Variants in ALOX15B observed in about 807,000 individuals in gnomAD.
The protein encoded by ALOX15B is arachidonate 15-lipoxygenase type B.
ALOX15B carries 74 observed loss-of-function variants against 73.8 expected under a neutral mutation model. The observed-to-expected ratio is 1.00, with a 90% CI of 0.83 to 1.22. ALOX15B has a LOEUF of 1.22. Ranked by LOEUF, ALOX15B falls within the 50% of genes most tolerant of loss-of-function variation. The probability of loss-of-function intolerance (pLI) is 0.00; values close to 1 mark genes in which losing one functional copy is unlikely to be tolerated. For missense variants in ALOX15B, 896 were observed against 859.9 expected (o/e 1.04, Z -0.52); for synonymous variants, 353 against 357.2 (o/e 0.99, Z 0.13).
intron 11 of ALOX15B, 35 bp from the exon 12 acceptor site, chr17:8,047,529 C>T: frequency 6.3e-7 from 1 of 1,576,956 alleles, no homozygotes; most frequent in Non-Finnish European, 8.6e-7. Context: ...CCTCAGGTCC[C>T]TGGAAGCCCC....
chr17:8,042,713 G>A (rs1442767771), intron 4 of ALOX15B, 68 bp from the exon 5 acceptor site: 1 of 1,452,526 alleles, frequency 6.9e-7, no homozygotes, highest in Non-Finnish European at 9.4e-7. Context: ...AGAGGCATAA[G>A]GCTGGCTGAC....
intron 8 of ALOX15B, among the ~76,000 whole-genome samples, chr17:8,046,148 C>G (rs1232351313): frequency 6.6e-6 from 1 of 152,196 alleles, no homozygotes. Flanking sequence ...CAGGATGGCC[C>G]CCTCCCAGGG....
At chr17:8,044,604 G>A (rs1487227479) in intron 5 of ALOX15B, among the ~76,000 whole-genome samples, 2 of 152,040 alleles carry the variant, frequency 1.3e-5, no homozygotes, top group African/African-American at 4.8e-5. Context: ...TTATTCAGGG[G>A]GAGTGTCAGG....
chr17:8,045,579 T>A lies in ALOX15B; in HGVS notation c.1093T>A (p.Phe365Ile), dbSNP rs1250076835. 3 of 1,614,098 alleles carry A rather than the reference T, an allele frequency of 1.9e-6. No individual in the cohort carries two copies. The East Asian group carries it at 6.7e-5, about 36-fold the overall frequency. Residue 365 changes from phenylalanine (F) to isoleucine (I), a missense_variant, in exon 8 of 14, where the codon TTC (phenylalanine) becomes ATC (isoleucine). Transcript: ENST00000380183. Reference protein sequence around the residue: ...LAKTWVRNAEFSFHEALTHLL... With the variant: ...LAKTWVRNAEISFHEALTHLL... ...CAAGACCTGGGTGCGCAATGCCGAG[T>A]TCTCCTTCCATGAGGCCCTCACGCA... is the stretch of plus-strand genomic sequence containing the variant.
At chr17:8,045,787 G>A (rs11869454) in intron 8 of ALOX15B, 101 bp downstream of exon 8, 69,228 of 1,324,336 alleles carry the variant, frequency 0.052, 2,371 homozygotes, top group African/African-American at 0.15. Flanking sequence ...CTGGGATGCA[G>A]AGCCCCCGTC....
In ALOX15B at chr17:8,039,088, C is replaced by T. The variant is rs950334791; in HGVS notation, c.-68C>T. 26 of 1,558,620 alleles carry T rather than the reference C, an allele frequency of 1.7e-5. No homozygotes were observed. The highest frequency in any genetic ancestry group is 2.7e-5 in the African/African-American group (2 of 72,880). ...GCAATAACCAGGGGCAATAACCAGGCGTGTCCCAGGGGGGAGCCCCGCTCT... is the reference window on the plus strand; with the variant it reads ...GCAATAACCAGGGGCAATAACCAGGTGTGTCCCAGGGGGGAGCCCCGCTCT... On this transcript the variant is annotated 5_prime_UTR_variant, in exon 1 of 14. Transcript: ENST00000380183.
chr17:8,046,737 G>A lies in ALOX15B; in HGVS notation c.1270G>A (p.Gly424Arg), dbSNP rs1326277510. ...CGCCCGGGAGCTGCTTATCGTGCCA[G>A]GGCAGGTGGTGGACAGGGTGAGAGC... ...TLARELLIVP[G>R]QVVDRSTGIG... The change falls in exon 9 of 14, where the codon GGG becomes AGG. Residue 424 changes from glycine (G) to arginine (R), a missense_variant. Coordinates refer to ENST00000380183, the MANE Select transcript of ALOX15B (RefSeq NM_001141.3). 1 of 1,613,964 alleles carries A rather than the reference G, an allele frequency of 6.2e-7. No homozygotes were observed. Among genetic ancestry groups the A allele is most frequent in the Admixed American group, 1.7e-5 (1 of 60,020 alleles).
At position 8,047,082 on chromosome 17, in the gene ALOX15B, G is replaced by T. The variant is rs1009225559; in HGVS notation, c.1457+6G>T. ...ATCTGGGGTGCAGTGGAACGGTGAG[G>T]GGCCGTCCCTGGAGAGCCGAGGGCT... On this transcript the variant is annotated splice_donor_region_variant and intron_variant, in intron 10 of 13. Coordinates refer to ENST00000380183, the MANE Select transcript of ALOX15B (RefSeq NM_001141.3). 3.7e-6 allele frequency: 6 copies of T among 1,613,232 alleles called. No individual in the cohort carries two copies. The African/African-American group carries it at 6.7e-5, about 18-fold the overall frequency.
intron 3 of ALOX15B, among the ~76,000 whole-genome samples, chr17:8,040,870 GA>G (rs1167317441): frequency 7.7e-6 from 1 of 129,440 alleles, no homozygotes; most frequent in Non-Finnish European, 1.8e-5. Context: ...GATCACAGGG[GA>G]AAACTGGGAC....
At chr17:8,044,154 A>AGG (rs71159540) in intron 5 of ALOX15B, among the ~76,000 whole-genome samples, 23 of 150,056 alleles carry the variant, frequency 1.5e-4, no homozygotes, top group South Asian at 8.5e-4. Flanking sequence ...GAAGGAAGGA[A>AGG]AGAAAGAAAA....
At position 8,040,597 on chromosome 17, in the gene ALOX15B, GAGAGAGAA is replaced by G. The variant is rs1198305618; in HGVS notation, c.449+618_449+625del. On this transcript the variant is annotated intron_variant, in intron 3 of 13. Coordinates refer to ENST00000380183, the MANE Select transcript of ALOX15B (RefSeq NM_001141.3). The stretch of plus-strand genomic sequence containing the variant: ...AAAAGGAAGGAAAGAGAGAAAGAAA[GAGAGAGAA>G]AGAAAGAAAGAAAGAAAGAAAGAAA... 2.3e-4 allele frequency among the ~76,000 whole-genome samples: 14 copies of G among 59,640 alleles called. No homozygotes were observed. The South Asian group carries it at 5.1e-3, about 22-fold the overall frequency. 39.1% of individuals were successfully genotyped at this position (59,640 alleles called of 152,430 possible).
At chr17:8,039,364 C>A (rs771016636) in intron 1 of ALOX15B, 22 bp from the exon 2 acceptor site, 18 of 1,606,172 alleles carry the variant, frequency 1.1e-5, no homozygotes, top group African/African-American at 9.4e-5. Flanking sequence ...TCCGGCCTGA[C>A]GCATACTTAA....
Position 8,044,969 on chromosome 17 carries a change from G to A in ALOX15B, c.817G>A (p.Gly273Ser). Residue 273 changes from glycine (G) to serine (S), a missense_variant, in exon 6 of 14, where the codon GGT (glycine) becomes AGT (serine). Gly to Ser is a moderately conservative substitution (Grantham distance 56). Coordinates refer to ENST00000380183, the MANE Select transcript of ALOX15B (RefSeq NM_001141.3). ...TGATGCCATGGTGGCCTCAGTGTTG[G>A]GTCCTGGGACCAGCTTGCAGGCTGA... The part of the protein sequence containing the change: ...VTDAMVASVL[G>S]PGTSLQAELE... The A allele has an allele frequency of 6.2e-7, 1 of 1,614,142 alleles. No individual in the cohort carries two copies. The highest frequency in any genetic ancestry group is 8.5e-7 in the Non-Finnish European group (1 of 1,180,018).
In ALOX15B at chr17:8,047,313, G is replaced by GAC; in HGVS notation, c.1515_1516dup (p.Arg506ThrfsTer17). 6.2e-7 allele frequency: 1 copy of GAC among 1,614,078 alleles called. No individual in the cohort carries two copies. Among genetic ancestry groups the GAC allele is most frequent in the South Asian group, 1.1e-5 (1 of 91,058 alleles). On this transcript the variant is annotated frameshift_variant, in exon 11 of 14. Coordinates refer to ENST00000380183, the MANE Select transcript of ALOX15B (RefSeq NM_001141.3). LOFTEE classifies it high-confidence loss of function. ...CCCAAGTGATGAGTCTGTCCAAGAT[G>GAC]ACAGAGAGCTCCAGGCCTGGGTCAG...
Position 8,047,778 on chromosome 17 carries a change from C to T in ALOX15B, c.1714C>T (p.Pro572Ser), listed in dbSNP as rs780999730. ...DSCAWMPNLP[P>S]SMQLPPPTSK... is the part of the protein sequence containing the mutation. ...CTGTGCTTGGATGCCCAACCTGCCACCCAGCATGCAGCTGCCACCACCCAC... is the reference window on the plus strand; with the variant it reads ...CTGTGCTTGGATGCCCAACCTGCCATCCAGCATGCAGCTGCCACCACCCAC... Residue 572 changes from proline (P) to serine (S), a missense_variant, in exon 13 of 14, where the codon CCC becomes TCC. By Grantham distance (74) the Pro-to-Ser change is moderately conservative. Transcript: ENST00000380183. 6.2e-6 allele frequency: 10 copies of T among 1,614,086 alleles called. No individual in the cohort carries two copies. Among genetic ancestry groups the T allele is most frequent in the Non-Finnish European group, 7.6e-6 (9 of 1,180,034 alleles).
chr17:8,043,352 G>A (rs968873030), intron 5 of ALOX15B, among the ~76,000 whole-genome samples: 8 of 152,222 alleles, frequency 5.3e-5, no homozygotes, highest in Non-Finnish European at 7.3e-5. Context: ...AGGATGGGCC[G>A]TGGGGGCAGA....
chr17:8,047,538 C>T (rs2151815262), intron 11 of ALOX15B, 26 bp from the exon 12 acceptor site: 1 of 1,579,900 alleles, frequency 6.3e-7, no homozygotes, highest in Non-Finnish European at 8.6e-7. Flanking sequence ...CCTGGAAGCC[C>T]CATCCCAGCC....
chr17:8,048,541 C>T lies in ALOX15B; in HGVS notation c.2007C>T (p.Leu669=), dbSNP rs758739836. The T allele has an allele frequency of 6.2e-7, 1 of 1,613,900 alleles. No individual in the cohort carries two copies. The highest frequency in any genetic ancestry group is 8.5e-7 in the Non-Finnish European group (1 of 1,179,846). The change falls in exon 14 of 14, where the codon CTC becomes CTT. Residue 669 remains leucine (L), a synonymous_variant. Coordinates refer to ENST00000380183, the MANE Select transcript of ALOX15B (RefSeq NM_001141.3). ...CCTACACCTACCTAGACCCTCCCCTCATCGAGAACAGCGTCTCCATCTAAA... is the reference window on the plus strand; with the variant it reads ...CCTACACCTACCTAGACCCTCCCCTTATCGAGAACAGCGTCTCCATCTAAA... ...VLPYTYLDPP[L]IENSVSI
At chr17:8,047,998 C>T (rs922123931) in intron 13 of ALOX15B, 83 bp downstream of exon 13, 1 of 1,480,188 alleles carries the variant, frequency 6.8e-7, no homozygotes, top group African/African-American at 1.4e-5. Flanking sequence ...CAGACCCAAC[C>T]CTGCCATCAG....
Sources: allele counts gnomAD v4.1 joint callset (sites outside exome capture counted in the v4.1 genomes callset), GRCh38; gene constraint gnomAD v4.1.1; transcripts MANE v1.5; gene names NCBI Gene and HGNC (gene_info 2026-07-23, HGNC 2026-07-21).